NUP107: variants seen among roughly 807,000 people sequenced by gnomAD.
The protein encoded by NUP107 is nuclear pore complex protein Nup107.
NUP107 carries 101 observed loss-of-function variants against 141.0 expected under a neutral mutation model. The ratio of observed to expected loss-of-function variants is 0.72; its 90% CI spans 0.61 to 0.84. The LOEUF is 0.84. NUP107 is among the 40% of genes least tolerant of loss of function. The pLI, the probability that NUP107 is intolerant of heterozygous loss-of-function variation, is 0.00. For missense variants in NUP107, 941 were observed against 1,102.7 expected (o/e 0.85, Z 2.08); for synonymous variants, 319 against 363.9 (o/e 0.88, Z 1.41).
rs1165338223 is a variant in NUP107, at chr12:68,742,437, C to T, written c.2753C>T (p.Pro918Leu). ...ATGCTCCTAGACCAGGGACTTGACCCATTAGGGTATGAAATTCAGTTATAG... is the reference window on the plus strand; with the variant it reads ...ATGCTCCTAGACCAGGGACTTGACCTATTAGGGTATGAAATTCAGTTATAG... ...SLMLLDQGLD[P>L]LGYEIQL Residue 918 changes from proline (P) to leucine (L), a missense_variant, in exon 28 of 28, where the codon CCA becomes CTA. Coordinates refer to ENST00000229179, the MANE Select transcript of NUP107 (RefSeq NM_020401.4). 1 of 1,588,472 alleles carries T rather than the reference C, an allele frequency of 6.3e-7. No individual in the cohort carries two copies. The highest frequency in any genetic ancestry group is 1.1e-5 in the South Asian group (1 of 87,610).
chr12:68,700,820 T>G lies in NUP107; in HGVS notation c.647T>G (p.Met216Arg), dbSNP rs750956200. 8 of 1,606,868 alleles carry G rather than the reference T, an allele frequency of 5.0e-6. No individual in the cohort carries two copies. The African/African-American group carries it at 9.4e-5, about 19-fold the overall frequency. Residue 216 changes from methionine (M) to arginine (R), a missense_variant, in exon 7 of 28, where the codon ATG (methionine) becomes AGG (arginine). Coordinates refer to ENST00000229179, the MANE Select transcript of NUP107 (RefSeq NM_020401.4). ...ATGCTCTGGCTTCTTCAACAGGAGA[T>G]GGTCACATGGAGGCTGCTGGCTTCT... is the stretch of plus-strand genomic sequence containing the variant. ...ASMLWLLQQE[M>R]VTWRLLASLY...
Position 68,721,904 on chromosome 12 carries a change from A to G in NUP107, c.1375A>G (p.Ser459Gly), listed in dbSNP as rs1294319044. The G allele has an allele frequency of 6.2e-7, 1 of 1,614,126 alleles. No homozygotes were observed. Among genetic ancestry groups the G allele is most frequent in the South Asian group, 1.1e-5 (1 of 91,084 alleles). Residue 459 changes from serine (S) to glycine (G), a missense_variant, in exon 16 of 28, where the codon AGT becomes GGT. Ser to Gly is a moderately conservative substitution (Grantham distance 56). Transcript: ENST00000229179. ...GGCCTACTTCCGGGTGATGGTGGAC[A>G]GTCTGGTAGAACAGGAGATCCAGAC... ...VWAYFRVMVD[S>G]LVEQEIQTSV...
At chr12:68,740,018 G>A (rs1272605661) in intron 26 of NUP107, 2 of 152,166 alleles carry the variant, frequency 1.3e-5, no homozygotes, top group Non-Finnish European at 2.9e-5. Flanking sequence ...ACCCTGGATA[G>A]TTGCTGGCAG....
intron 8 of NUP107, chr12:68,707,014 G>T: frequency 3.3e-6 from 2 of 614,180 alleles, no homozygotes; most frequent in Middle Eastern, 4.4e-4. Context: ...TGATTGTGAA[G>T]ATCGAGACCC....
At chr12:68,741,686 T>C in intron 26 of NUP107, 127 bp from the exon 27 acceptor site, 1 of 722,172 alleles carries the variant, frequency 1.4e-6, no homozygotes, top group South Asian at 2.0e-5. Context: ...TTGTTCATCT[T>C]CATACTTTTT....
intron 11 of NUP107, among the ~76,000 whole-genome samples, chr12:68,715,127 G>C (rs1470067550): frequency 6.6e-6 from 1 of 152,236 alleles, no homozygotes; most frequent in Non-Finnish European, 1.5e-5. Context: ...TAGGGAAGCA[G>C]ATGACTATGT....
chr12:68,740,757 G>A lies in NUP107; in HGVS notation c.2503-1056G>A, dbSNP rs117065519. Among the ~76,000 whole-genome samples, 1,096 of 151,866 alleles carry A rather than the reference G, an allele frequency of 7.2e-3. 9 individuals are homozygous for A. The highest frequency in any genetic ancestry group is 0.014 in the Middle Eastern group (4 of 294). On this transcript the variant is annotated intron_variant, in intron 26 of 27. Coordinates refer to ENST00000229179, the MANE Select transcript of NUP107 (RefSeq NM_020401.4). The stretch of plus-strand genomic sequence containing the variant: ...AAGATTATTTCAGAAATTGTAGTGT[G>A]TAATTTCTGTAATCCCAGCACTTTG...
chr12:68,701,518 C>T (rs1226660754), intron 7 of NUP107, among the ~76,000 whole-genome samples: 1 of 151,840 alleles, frequency 6.6e-6, no homozygotes, highest in Non-Finnish European at 1.5e-5. Flanking sequence ...GCTGTCTCTA[C>T]TAAAAATACA....
chr12:68,704,392 A>G (rs1334225608), intron 8 of NUP107, among the ~76,000 whole-genome samples: 3 of 152,166 alleles, frequency 2.0e-5, no homozygotes, highest in Non-Finnish European at 2.9e-5. Context: ...TGCCTGTTAA[A>G]TCATCAAGAT....
At chr12:68,716,892 C>G (rs1316753548) in intron 12 of NUP107, among the ~76,000 whole-genome samples, 1 of 151,832 alleles carries the variant, frequency 6.6e-6, no homozygotes, top group African/African-American at 2.4e-5. Flanking sequence ...ATATTAATTT[C>G]TTATGTAATT....
chr12:68,688,930 T>TC (rs1289895713), intron 1 of NUP107, 32 bp from the exon 2 acceptor site: 11 of 1,503,944 alleles, frequency 7.3e-6, no homozygotes, highest in Non-Finnish European at 1.0e-5. Flanking sequence ...TATTCTCGTT[T>TC]CACTTATATA....
At chr12:68,692,589 A>G (rs1287527895) in intron 5 of NUP107, among the ~76,000 whole-genome samples, 2 of 138,714 alleles carry the variant, frequency 1.4e-5, no homozygotes, top group African/African-American at 5.0e-5. Context: ...AAAAAAAAAA[A>G]CAAAAAAAAA....
intron 17 of NUP107, among the ~76,000 whole-genome samples, chr12:68,724,910 A>G (rs1877496673): frequency 6.6e-6 from 1 of 152,210 alleles, no homozygotes; most frequent in South Asian, 2.1e-4. Flanking sequence ...CATGAAAATA[A>G]ATAGATGAGT....
intron 3 of NUP107, 143 bp from the exon 4 acceptor site, chr12:68,690,488 G>C (rs889463013): frequency 2.9e-6 from 3 of 1,047,990 alleles, no homozygotes; most frequent in Non-Finnish European, 2.7e-6. Context: ...TCATGGAAAT[G>C]TTAACATTTA....
At position 68,715,730 on chromosome 12, in the gene NUP107, T is replaced by C. The variant is rs748600935; in HGVS notation, c.1073T>C (p.Met358Thr). 12 of 1,598,732 alleles carry C rather than the reference T, an allele frequency of 7.5e-6. No homozygotes were observed. In the East Asian group the frequency reaches 2.7e-4, roughly 36 times the overall value. ...KYLFTLIRAGMTEEAQRLCKR... is the reference protein window; with the variant it reads ...KYLFTLIRAGTTEEAQRLCKR... ...CTCTTTACTCTAATCCGTGCTGGAA[T>C]GACAGAAGAGGTCAGTCATGTATAC... Residue 358 changes from methionine (M) to threonine (T), a missense_variant, in exon 12 of 28, where the codon ATG (methionine) becomes ACG (threonine). Met to Thr is a moderately conservative substitution (Grantham distance 81). Transcript: ENST00000229179.
chr12:68,687,037 T>C lies in NUP107; in HGVS notation c.-29T>C, dbSNP rs376349897. 98 of 1,613,982 alleles carry C rather than the reference T, an allele frequency of 6.1e-5. No individual in the cohort carries two copies. The highest frequency in any genetic ancestry group is 7.2e-5 in the Non-Finnish European group (85 of 1,179,964). ...ACGCGGTAGCTAAACTGCAGCCAAC[T>C]TTGGTTGTGTGTGGAAAAGGCTTTA... is the stretch of plus-strand genomic sequence containing the variant. On this transcript the variant is annotated 5_prime_UTR_variant, in exon 1 of 28. Transcript: ENST00000229179.
At chr12:68,693,216 T>G (rs1404711418) in intron 5 of NUP107, among the ~76,000 whole-genome samples, 1 of 152,062 alleles carries the variant, frequency 6.6e-6, no homozygotes, top group Non-Finnish European at 1.5e-5. Flanking sequence ...TAGCTGAGAT[T>G]ACAGGTGCCC....
intron 20 of NUP107, among the ~76,000 whole-genome samples, 183 bp from the exon 21 acceptor site, chr12:68,730,927 C>T (rs1386707615): frequency 6.6e-6 from 1 of 152,208 alleles, no homozygotes; most frequent in Non-Finnish European, 1.5e-5. Context: ...ATGATCATGC[C>T]ACTGTACCCT....
intron 20 of NUP107, among the ~76,000 whole-genome samples, chr12:68,729,120 A>G (rs1192945064): frequency 1.3e-5 from 2 of 152,196 alleles, no homozygotes; most frequent in Non-Finnish European, 2.9e-5. Context: ...ACAGCTCTTC[A>G]GAGATGATTA....
Sources: allele counts gnomAD v4.1 joint callset (sites outside exome capture counted in the v4.1 genomes callset), GRCh38; gene constraint gnomAD v4.1.1; transcripts MANE v1.5; gene names NCBI Gene and HGNC (gene_info 2026-07-23, HGNC 2026-07-21).